GARIN2: variants seen among roughly 807,000 people sequenced by gnomAD.
The protein encoded by GARIN2 is Golgi-associated RAB2 interactor protein 2.
At chr14:67,223,263 G>A in the GARIN2 span, among the ~76,000 whole-genome samples, 3 of 152,084 alleles carry the variant, frequency 2.0e-5, no homozygotes, top group Admixed American at 2.0e-4. Flanking sequence ...GCCTCCCAAA[G>A]TGCTGGGATT....
chr14:67,199,216 A>G, the GARIN2 span: 1 of 1,607,198 alleles, frequency 6.2e-7, no homozygotes, highest in South Asian at 1.1e-5. Context: ...GTCACTGGCC[A>G]GCACCAAGGC....
the GARIN2 span, chr14:67,208,354 A>G: frequency 1.9e-6 from 3 of 1,614,028 alleles, no homozygotes; most frequent in Non-Finnish European, 2.5e-6. Context: ...CCCCAGTAGA[A>G]AGTGAGGCAA....
the GARIN2 span, among the ~76,000 whole-genome samples, chr14:67,214,223 G>A: frequency 6.6e-6 from 1 of 152,152 alleles, no homozygotes; most frequent in Non-Finnish European, 1.5e-5. Context: ...TGGTGTTTTA[G>A]ACGTGAAGTC....
chr14:67,222,113 G>A, the GARIN2 span: 1 of 294,362 alleles, frequency 3.4e-6, no homozygotes, highest in Non-Finnish European at 6.2e-6. Context: ...ACCACGCCAA[G>A]CCTAGTTCTG....
At chr14:67,194,225 G>T in the GARIN2 span, among the ~76,000 whole-genome samples, 1 of 151,340 alleles carries the variant, frequency 6.6e-6, no homozygotes, top group Admixed American at 6.6e-5. Context: ...TTAGCCAGGT[G>T]TGATGGCACA....
the GARIN2 span, among the ~76,000 whole-genome samples, chr14:67,193,862 T>C: frequency 6.8e-6 from 1 of 147,238 alleles, no homozygotes; most frequent in African/African-American, 2.5e-5. Context: ...AGAGGATCAC[T>C]TGGGCTGGGG....
At chr14:67,200,023 C>T in the GARIN2 span, 1 of 955,160 alleles carries the variant, frequency 1.0e-6, no homozygotes, top group Non-Finnish European at 1.6e-6. Flanking sequence ...TTTAGGACAT[C>T]CCCATTCTGG....
chr14:67,194,189 C>T, the GARIN2 span, among the ~76,000 whole-genome samples: 3 of 151,590 alleles, frequency 2.0e-5, no homozygotes, highest in Admixed American at 2.0e-4. Flanking sequence ...ATGGTGAAAT[C>T]CCGTCTCTAC....
At chr14:67,216,822 T>C in the GARIN2 span, among the ~76,000 whole-genome samples, 1 of 152,214 alleles carries the variant, frequency 6.6e-6, no homozygotes, top group Non-Finnish European at 1.5e-5. Flanking sequence ...ATTTGTTTTG[T>C]GTCCTAACAT....
chr14:67,199,178 A>C, the GARIN2 span: 1 of 1,604,232 alleles, frequency 6.2e-7, no homozygotes, highest in Non-Finnish European at 8.5e-7. Flanking sequence ...CTGGACCAGT[A>C]GTCAACACCC....
the GARIN2 span, among the ~76,000 whole-genome samples, chr14:67,194,958 C>T: frequency 6.6e-6 from 1 of 152,130 alleles, no homozygotes; most frequent in Admixed American, 6.6e-5. Context: ...GTGCCCCTCT[C>T]AGCCTCAAAG....
the GARIN2 span, chr14:67,224,840 C>T: frequency 7.7e-5 from 23 of 300,360 alleles, no homozygotes; most frequent in Admixed American, 1.0e-3. Flanking sequence ...CCTAAGCAGC[C>T]AGGTTCATTC....
At chr14:67,209,819 G>GA in the GARIN2 span, among the ~76,000 whole-genome samples, 566 of 76,568 alleles carry the variant, frequency 7.4e-3, 2 homozygotes, top group Middle Eastern at 0.018. Flanking sequence ...CTCCATCTCG[G>GA]AAAAAAAAAA....
the GARIN2 span, chr14:67,205,132 T>G: frequency 1.3e-6 from 2 of 1,500,828 alleles, no homozygotes; most frequent in Non-Finnish European, 1.8e-6. Context: ...AATCGAGAAC[T>G]AGAGGGGTTA....
the GARIN2 span, among the ~76,000 whole-genome samples, chr14:67,203,783 G>A: frequency 6.6e-6 from 1 of 152,190 alleles, no homozygotes; most frequent in Non-Finnish European, 1.5e-5. Flanking sequence ...CACGATCTTG[G>A]CTCACTACAA....
At chr14:67,212,780 A>ATT in the GARIN2 span, among the ~76,000 whole-genome samples, 2 of 151,630 alleles carry the variant, frequency 1.3e-5, no homozygotes, top group Admixed American at 1.3e-4. Context: ...AGGCCAAGGG[A>ATT]AACAAAGGAA....
At chr14:67,198,345 T>A in the GARIN2 span, 1 of 1,586,996 alleles carries the variant, frequency 6.3e-7, no homozygotes, top group African/African-American at 1.3e-5. Flanking sequence ...AGGCCTGAGT[T>A]AAGTTCCAAT....
At chr14:67,207,205 G>A in the GARIN2 span, among the ~76,000 whole-genome samples, 1 of 152,034 alleles carries the variant, frequency 6.6e-6, no homozygotes, top group African/African-American at 2.4e-5. Context: ...AGAAAAGAGG[G>A]TTAATTGGCT....
At chr14:67,225,962 T>TGCGCGCGCGC in the GARIN2 span, among the ~76,000 whole-genome samples, 10 of 113,490 alleles carry the variant, frequency 8.8e-5, no homozygotes, top group African/African-American at 5.1e-4. Flanking sequence ...TGTGTGTGTG[T>TGCGCGCGCGC]GCGCGCGCGC....
Sources: gnomAD v4.1 joint callset for allele counts (sites outside exome capture counted in the v4.1 genomes callset) on GRCh38, gnomAD v4.1.1 for gene constraint, MANE v1.5 for transcripts, NCBI Gene and HGNC (gene_info 2026-07-23, HGNC 2026-07-21) for gene names.